The following UST variants were observed in gnomAD, a reference collection of about 807,000 sequenced individuals.
UST encodes uronyl 2-sulfotransferase, also known as chondroitin sulfate 2-O-sulfotransferase.
In UST, 21 loss-of-function variants were observed where a neutral mutation model predicts 45.6. The observed-to-expected ratio is 0.46, with a 90% confidence interval of 0.33 to 0.66. UST has a LOEUF of 0.66. Among genes scored for constraint, UST ranks in the 30% least tolerant of loss-of-function variants. The pLI, the probability that UST is intolerant of heterozygous loss-of-function variation, is 0.02. For synonymous variants in UST, 215 were observed against 200.6 expected (o/e 1.07, Z -0.61); for missense variants, 463 against 512.4 (o/e 0.90, Z 0.93).
At chr6:148,944,508 TACAC>T (rs10663979) in intron 3 of UST, among the ~76,000 whole-genome samples, 25,401 of 142,496 alleles carry the variant, frequency 0.18, 2,374 homozygotes, top group South Asian at 0.26. Flanking sequence ...GTTGTGATCA[TACAC>T]ACACACACAC....
intron 2 of UST, among the ~76,000 whole-genome samples, chr6:148,900,793 G>A (rs1270234544): frequency 6.6e-6 from 1 of 152,198 alleles, no homozygotes; most frequent in African/African-American, 2.4e-5. Flanking sequence ...AGTCTGAAAT[G>A]GGTCTCACTG....
intron 2 of UST, among the ~76,000 whole-genome samples, chr6:148,896,156 C>A (rs750628977): frequency 6.6e-6 from 1 of 152,240 alleles, no homozygotes; most frequent in African/African-American, 2.4e-5. Flanking sequence ...GTCCCCATTT[C>A]CCGGAGGGCA....
intron 1 of UST, among the ~76,000 whole-genome samples, chr6:148,863,459 G>A (rs923123692): frequency 3.3e-5 from 5 of 152,202 alleles, no homozygotes; most frequent in Admixed American, 6.5e-5. Context: ...CCTTTAGCTC[G>A]GAGAAGTTTG....
chr6:149,063,905 A>AT (rs954163717), intron 7 of UST, among the ~76,000 whole-genome samples: 1 of 152,210 alleles, frequency 6.6e-6, no homozygotes, highest in African/African-American at 2.4e-5. Context: ...TCTAGAGAAA[A>AT]TTTTTTAGGA....
intron 7 of UST, among the ~76,000 whole-genome samples, chr6:149,025,434 G>C (rs1025378254): frequency 5.8e-4 from 88 of 152,236 alleles, no homozygotes; most frequent in African/African-American, 2.0e-3. Flanking sequence ...TTAGCAAGAT[G>C]GATAACCAAG....
rs1562314759 is a variant in UST, at chr6:148,964,435, A to G, written c.553A>G (p.Ile185Val). 1.2e-6 allele frequency: 2 copies of G among 1,614,166 alleles called. No individual in the cohort carries two copies. The highest frequency in any genetic ancestry group is 1.7e-6 in the Non-Finnish European group (2 of 1,180,032). ...GTTTGGAGGAGACCAGCCTGTCTAC[A>G]TCAACATCATTAGAGACCCCGTCAA... is the stretch of plus-strand genomic sequence containing the variant. ...SRFGGDQPVY[I>V]NIIRDPVNRF... Residue 185 changes from isoleucine (I) to valine (V), a missense_variant, in exon 5 of 8, where the codon ATC becomes GTC. Coordinates refer to ENST00000367463, the MANE Select transcript of UST (RefSeq NM_005715.3).
In UST at chr6:149,016,199, G is replaced by A. The variant is rs181887588; in HGVS notation, c.682-2940G>A. 8.5e-4 allele frequency among the ~76,000 whole-genome samples: 129 copies of A among 152,320 alleles called. 1 individual carries two copies. The highest frequency in any genetic ancestry group is 3.3e-3 in the South Asian group (16 of 4,822). ...AACTCTTTGAAATCCCCCAGGATGC[G>A]TCTTGGTCTAAGAAAAGAATTGTTA... On this transcript the variant is annotated intron_variant, in intron 5 of 7. Coordinates refer to ENST00000367463, the MANE Select transcript of UST (RefSeq NM_005715.3).
intron 2 of UST, among the ~76,000 whole-genome samples, chr6:148,914,536 C>A (rs1479934476): frequency 1.3e-5 from 2 of 152,078 alleles, no homozygotes; most frequent in African/African-American, 4.8e-5. Flanking sequence ...ATATGTAGTC[C>A]AATTTAATTT....
At chr6:148,952,675 C>CT (rs1562310649) in intron 3 of UST, among the ~76,000 whole-genome samples, 1 of 152,190 alleles carries the variant, frequency 6.6e-6, no homozygotes, top group East Asian at 1.9e-4. Context: ...GTTCCAGACT[C>CT]TTATTTTATT....
At chr6:148,997,252 G>C (rs768776448) in intron 5 of UST, among the ~76,000 whole-genome samples, 1 of 152,192 alleles carries the variant, frequency 6.6e-6, no homozygotes, top group Non-Finnish European at 1.5e-5. Flanking sequence ...GCTTGATTTC[G>C]TAGCTTTTTT....
chr6:148,753,900 G>A (rs74633579), intron 1 of UST, among the ~76,000 whole-genome samples: 1,912 of 151,914 alleles, frequency 0.013, 40 homozygotes, highest in African/African-American at 0.043. Flanking sequence ...ATTCATTGGC[G>A]TTGTGTTTTG....
At position 148,968,059 on chromosome 6, in the gene UST, C is replaced by T. The variant is rs1285770076; in HGVS notation, c.681+3496C>T. On this transcript the variant is annotated intron_variant, in intron 5 of 7. Coordinates refer to ENST00000367463, the MANE Select transcript of UST (RefSeq NM_005715.3). ...GATTCGGGGTGGGGTAAAGTCCCTG[C>T]CAGGAGGAGAATCCAGACCTCCTGA... Among the ~76,000 whole-genome samples, 3 of 152,162 alleles carry T rather than the reference C, an allele frequency of 2.0e-5. No homozygotes were observed. In the East Asian group the frequency reaches 5.8e-4, roughly 29 times the overall value.
intron 1 of UST, among the ~76,000 whole-genome samples, chr6:148,775,421 G>T (rs544320467): frequency 6.6e-6 from 1 of 152,082 alleles, no homozygotes; most frequent in Non-Finnish European, 1.5e-5. Context: ...CAAAAAAAAC[G>T]TGAGCATGTG....
chr6:148,751,494 CCTT>C (rs1224360142), intron 1 of UST, among the ~76,000 whole-genome samples: 3 of 152,122 alleles, frequency 2.0e-5, no homozygotes, highest in East Asian at 3.9e-4. Flanking sequence ...GGTGAACAGT[CCTT>C]CTTCCTAGTC....
At chr6:149,013,179 CT>C (rs1453558244) in intron 5 of UST, among the ~76,000 whole-genome samples, 44 of 152,280 alleles carry the variant, frequency 2.9e-4, no homozygotes, top group African/African-American at 1.0e-3. Context: ...GAGTAAAAGC[CT>C]TGTATTAACT....
intron 4 of UST, chr6:148,955,686 C>T (rs1780479257): frequency 6.6e-6 from 1 of 152,212 alleles, no homozygotes; most frequent in Non-Finnish European, 1.5e-5. Context: ...TATTTTATGA[C>T]TTGCAAAGAG....
chr6:148,920,583 C>T (rs999423820), intron 2 of UST, among the ~76,000 whole-genome samples: 5 of 152,288 alleles, frequency 3.3e-5, no homozygotes, highest in African/African-American at 1.2e-4. Context: ...GGCTGGAATG[C>T]GGTGGCCCAA....
intron 5 of UST, among the ~76,000 whole-genome samples, chr6:148,969,480 C>T (rs777639574): frequency 5.9e-5 from 9 of 152,180 alleles, no homozygotes; most frequent in Non-Finnish European, 8.8e-5. Context: ...GTGAACCTTG[C>T]TTGTCTCATC....
At chr6:149,026,911 A>C (rs1452173778) in intron 7 of UST, among the ~76,000 whole-genome samples, 3 of 152,226 alleles carry the variant, frequency 2.0e-5, no homozygotes, top group African/African-American at 4.8e-5. Flanking sequence ...GAATATGGTC[A>C]CCAACTATTA....
Sources: gnomAD v4.1 joint callset for allele counts (sites outside exome capture counted in the v4.1 genomes callset) on GRCh38, gnomAD v4.1.1 for gene constraint, MANE v1.5 for transcripts, NCBI Gene and HGNC (gene_info 2026-07-23, HGNC 2026-07-21) for gene names.